UROC1: variants seen among roughly 807,000 people sequenced by gnomAD.
UROC1 encodes urocanate hydratase 1.
UROC1 carries 79 observed loss-of-function variants against 89.5 expected under a neutral mutation model. The observed-to-expected ratio is 0.88, with a 90% CI of 0.74 to 1.06. The LOEUF is 1.06. UROC1 is among the 50% of genes least tolerant of loss of function. The pLI is 0.00. For synonymous variants in UROC1, 361 were observed against 354.8 expected (o/e 1.02, Z -0.20); for missense variants, 885 against 907.8 (o/e 0.97, Z 0.32).
intron 15 of UROC1, among the ~76,000 whole-genome samples, chr3:126,494,569 G>T (rs1471465641): frequency 6.6e-6 from 1 of 152,180 alleles, no homozygotes; most frequent in Non-Finnish European, 1.5e-5. Context: ...TCCTGGCCCT[G>T]GGACTCCTGG....
At position 126,488,400 on chromosome 3, in the gene UROC1, G is replaced by T. The variant is rs1935564504; in HGVS notation, c.1709-121C>A. 10 of 1,077,234 alleles carry T rather than the reference G, an allele frequency of 9.3e-6. 1 individual carries two copies. The highest frequency in any genetic ancestry group is 5.6e-4 in the Middle Eastern group (2 of 3,564). 66.7% of individuals were successfully genotyped at this position (1,077,234 alleles called of 1,614,324 possible). A position where few individuals can be genotyped will look rare whatever the true frequency, so the allele number is the denominator to read the frequency against. On this transcript the variant is annotated intron_variant, in intron 17 of 19. Coordinates refer to ENST00000290868, the MANE Select transcript of UROC1 (RefSeq NM_144639.3). The stretch of plus-strand genomic sequence containing the variant: ...GGCCAGAAGGATGGGGCGGCAACTA[G>T]GCCCTAGGGACAGGGCCTCTCACAG...
Position 126,481,571 on chromosome 3 carries a change from A to C in UROC1, c.*774T>G, listed in dbSNP as rs1281007311. 1 of 152,202 alleles carries C rather than the reference A, an allele frequency of 6.6e-6. No individual in the cohort carries two copies. The highest frequency in any genetic ancestry group is 1.9e-4 in the East Asian group (1 of 5,178). 9.4% of individuals were successfully genotyped at this position (152,202 alleles called of 1,614,324 possible). On this transcript the variant is annotated 3_prime_UTR_variant, in exon 20 of 20. Coordinates refer to ENST00000290868, the MANE Select transcript of UROC1 (RefSeq NM_144639.3). ...TGTTGGTCTGTTGCACGCCCAGCTA[A>C]GAGAATGAGATTCATGAGCCCTGGC...
At chr3:126,510,616 A>T in intron 2 of UROC1, 48 bp downstream of exon 2, 1 of 1,608,174 alleles carries the variant, frequency 6.2e-7, no homozygotes, top group Non-Finnish European at 8.5e-7. Flanking sequence ...CCCTTGCGGG[A>T]GCTGCCTGCC....
intron 1 of UROC1, among the ~76,000 whole-genome samples, chr3:126,513,249 A>AAAG (rs1936231915): frequency 6.6e-6 from 1 of 152,148 alleles, no homozygotes; most frequent in Non-Finnish European, 1.5e-5. Context: ...CACCCATCTG[A>AAAG]AAGTTTCTGA....
rs1443608912 is a variant in UROC1, at chr3:126,499,507, G to A, written c.1244-98C>T. 4 of 1,150,634 alleles carry A rather than the reference G, an allele frequency of 3.5e-6. No homozygotes were observed. In the South Asian group the frequency reaches 3.9e-5, roughly 11 times the overall value. The allele number at this position is 1,150,634 out of a possible 1,614,324, so 71.3% of individuals were successfully genotyped here. On this transcript the variant is annotated intron_variant, in intron 12 of 19. Transcript: ENST00000290868. Reference sequence around the variant, plus strand: ...CAGGGCCCAGAGGGAGGCTGGGGAAGGATGCACAAGGTCTTTTTCATGTAA... The same window carrying A: ...CAGGGCCCAGAGGGAGGCTGGGGAAAGATGCACAAGGTCTTTTTCATGTAA...
Position 126,517,575 on chromosome 3 carries a change from G to T in UROC1, c.126+19C>A, listed in dbSNP as rs1441050447. On this transcript the variant is annotated intron_variant, in intron 1 of 19. Transcript: ENST00000290868. Reference sequence around the variant, plus strand: ...ATGCCTAGAGGCCAAGGCCTCGGGAGCACGGGCCCACTGCTTACCTGTTTC... The same window carrying T: ...ATGCCTAGAGGCCAAGGCCTCGGGATCACGGGCCCACTGCTTACCTGTTTC... The T allele has an allele frequency of 1.2e-6, 2 of 1,612,418 alleles. No homozygotes were observed. Among genetic ancestry groups the T allele is most frequent in the Admixed American group, 3.3e-5 (2 of 60,008 alleles).
At chr3:126,517,138 C>A (rs1936345583) in intron 1 of UROC1, among the ~76,000 whole-genome samples, 1 of 152,200 alleles carries the variant, frequency 6.6e-6, no homozygotes. Context: ...GCCCATCTTT[C>A]CCTGGCAACT....
At chr3:126,496,712 T>C (rs962659613) in intron 14 of UROC1, among the ~76,000 whole-genome samples, 3 of 152,158 alleles carry the variant, frequency 2.0e-5, no homozygotes, top group Non-Finnish European at 2.9e-5. Flanking sequence ...TTTCCAGAAA[T>C]TGTGGGAGCC....
At chr3:126,508,389 G>A (rs375274846) in intron 4 of UROC1, 27 bp downstream of exon 4, 2 of 1,611,276 alleles carry the variant, frequency 1.2e-6, no homozygotes, top group Non-Finnish European at 1.7e-6. Context: ...GCCAGGGGTG[G>A]GGACGAGGCC....
chr3:126,507,946 T>C (rs1170578559), intron 5 of UROC1, 21 bp downstream of exon 5: 1 of 1,613,600 alleles, frequency 6.2e-7, no homozygotes, highest in Non-Finnish European at 8.5e-7. Flanking sequence ...GCAGGTGCTG[T>C]GCCACCTGCT....
chr3:126,487,676 G>A (rs1282686624), intron 18 of UROC1, among the ~76,000 whole-genome samples: 3 of 152,352 alleles, frequency 2.0e-5, no homozygotes, highest in African/African-American at 7.2e-5. Context: ...GATCTGGGGA[G>A]CTTTTCTCAT....
chr3:126,506,005 GCCGTA>G lies in UROC1; in HGVS notation c.604_608del (p.Tyr202ProfsTer6). 6.2e-7 allele frequency: 1 copy of G among 1,613,430 alleles called. No homozygotes were observed. On this transcript the variant is annotated frameshift_variant and splice_region_variant, in exon 7 of 20. Transcript: ENST00000290868. LOFTEE classifies it high-confidence loss of function. ...AGCAGTAGCTACCTGCTGTCATCTG[GCCGTA>G]CCTGACCACAGGGAGAGAAGCCAAG...
In UROC1 at chr3:126,517,533, T is replaced by C. The variant is rs201850561; in HGVS notation, c.126+61A>G. ...GAGGGCAGGAAGCCTGGGTGCTCACTATGGACCACCTGGAGGATGCCTAGA... is the reference window on the plus strand; with the variant it reads ...GAGGGCAGGAAGCCTGGGTGCTCACCATGGACCACCTGGAGGATGCCTAGA... On this transcript the variant is annotated intron_variant, in intron 1 of 19. Coordinates refer to ENST00000290868, the MANE Select transcript of UROC1 (RefSeq NM_144639.3). 11,073 of 1,611,538 alleles carry C rather than the reference T, an allele frequency of 6.9e-3. 53 individuals are homozygous for C. Among genetic ancestry groups the C allele is most frequent in the Middle Eastern group, 0.025 (148 of 5,982 alleles).
rs991763719 is a variant in UROC1 at position 126,504,004 on chromosome 3, T to G, written c.893A>C (p.Gln298Pro). ...GAGCTTGGAGCTGTACCTGAGCCTC[T>G]GGATGCAGCGGTCCAAGCTGTCAGT... ...EVTDSLDRCI[Q>P]RLREARKKKE... The change falls in exon 9 of 20, where the codon CAG becomes CCG. Residue 298 changes from glutamine to proline, a missense_variant. By Grantham distance (76) the Gln-to-Pro change is moderately conservative. Transcript: ENST00000290868. 1 of 1,614,176 alleles carries G rather than the reference T, an allele frequency of 6.2e-7. No individual in the cohort carries two copies. Among genetic ancestry groups the G allele is most frequent in the Non-Finnish European group, 8.5e-7 (1 of 1,180,036 alleles).
chr3:126,510,571 C>T, intron 2 of UROC1, 93 bp downstream of exon 2: 3 of 1,562,352 alleles, frequency 1.9e-6, no homozygotes, highest in Non-Finnish European at 1.7e-6. Flanking sequence ...CCCCTCACTG[C>T]CGACTCCCTC....
intron 17 of UROC1, among the ~76,000 whole-genome samples, chr3:126,488,535 G>A (rs182695886): frequency 4.5e-4 from 68 of 152,380 alleles, no homozygotes; most frequent in South Asian, 1.7e-3. Flanking sequence ...AAAGCACTCC[G>A]GAAGCAGAGG....
Position 126,496,052 on chromosome 3 carries a change from C to A in UROC1, c.1495G>T (p.Ala499Ser). The A allele has an allele frequency of 6.2e-7, 1 of 1,613,218 alleles. No individual in the cohort carries two copies. The highest frequency in any genetic ancestry group is 8.5e-7 in the Non-Finnish European group (1 of 1,179,946). ...TGGGCCCTCACCAGCCGGTGCCTGG[C>A]GGCCTCCCGGATCCAGCGGATGTTG... is the stretch of plus-strand genomic sequence containing the variant. ...MDNIRWIREA[A>S]RHRLVVGSQA... Residue 499 changes from alanine (A) to serine (S), a missense_variant, in exon 15 of 20, where the codon GCC becomes TCC. By Grantham distance (99) the Ala-to-Ser change is moderately conservative. Coordinates refer to ENST00000290868, the MANE Select transcript of UROC1 (RefSeq NM_144639.3).
chr3:126,500,116 T>G lies in UROC1; in HGVS notation c.1184A>C (p.Glu395Ala), dbSNP rs768779703. The change falls in exon 12 of 20, where the codon GAG becomes GCG. Residue 395 changes from glutamate (E) to alanine (A), a missense_variant. Physicochemically the swap from Glu to Ala is moderately radical, Grantham distance 107. Transcript: ENST00000290868. Reference protein sequence around the residue: ...RQVSAINRLAEEKFFFWDYGN... With the variant: ...RQVSAINRLAAEKFFFWDYGN... ...GTAGTCCCAGAAGAAGAACTTCTCC[T>G]CGGCCAACCTGTTGATGGCTGAGAC... The G allele has an allele frequency of 3.1e-6, 5 of 1,613,850 alleles. No homozygotes were observed. Among genetic ancestry groups the G allele is most frequent in the Non-Finnish European group, 4.2e-6 (5 of 1,180,030 alleles).
chr3:126,507,842 C>G, intron 5 of UROC1, 39 bp from the exon 6 acceptor site: 1 of 1,613,804 alleles, frequency 6.2e-7, no homozygotes, highest in Non-Finnish European at 8.5e-7. Flanking sequence ...GGGCTGAGGG[C>G]TTGGAGGGCG....
Sources: allele counts gnomAD v4.1 joint callset (sites outside exome capture counted in the v4.1 genomes callset), GRCh38; gene constraint gnomAD v4.1.1; transcripts MANE v1.5; gene names NCBI Gene and HGNC (gene_info 2026-07-23, HGNC 2026-07-21).